TMEM223: variants seen among roughly 807,000 people sequenced by gnomAD.
The protein encoded by TMEM223 is transmembrane protein 223.
In TMEM223, 14 loss-of-function variants were observed where a neutral mutation model predicts 14.1. The ratio of observed to expected loss-of-function variants is 0.99; its 90% CI spans 0.66 to 1.55. The LOEUF is 1.55. Ranked by LOEUF, TMEM223 falls within the 40% of genes most tolerant of loss-of-function variation. The probability of loss-of-function intolerance (pLI) is 0.00; values close to 1 mark genes in which losing one functional copy is unlikely to be tolerated. For missense variants in TMEM223, 346 were observed against 269.9 expected (o/e 1.28, Z -1.97); for synonymous variants, 145 against 120.5 (o/e 1.20, Z -1.33).
downstream of TMEM223, chr11:62,789,309 G>A (rs770697657): frequency 1.9e-5 from 31 of 1,613,850 alleles, no homozygotes; most frequent in Admixed American, 8.3e-5. Context: ...ATAGGGCTGC[G>A]CATTGCACTG....
At chr11:62,778,008 C>G in intron 1 of TMEM223, 2 of 1,614,216 alleles carry the variant, frequency 1.2e-6, no homozygotes, top group South Asian at 2.2e-5. Flanking sequence ...ACAGGAGGCA[C>G]TGCCCATGCG....
At chr11:62,774,413 T>C (rs1007927833) in intron 2 of TMEM223, among the ~76,000 whole-genome samples, 3 of 152,010 alleles carry the variant, frequency 2.0e-5, no homozygotes, top group African/African-American at 7.2e-5. Flanking sequence ...TGGGGAGCCA[T>C]TGGGAGGAGT....
At chr11:62,773,415 G>C (rs1477691604) in intron 2 of TMEM223, among the ~76,000 whole-genome samples, 1 of 151,538 alleles carries the variant, frequency 6.6e-6, no homozygotes, top group Non-Finnish European at 1.5e-5. Flanking sequence ...CAAAGTGCTG[G>C]GATTACAGAT....
At chr11:62,773,448 A>ATT (rs112592058) in intron 2 of TMEM223, among the ~76,000 whole-genome samples, 19 of 135,822 alleles carry the variant, frequency 1.4e-4, no homozygotes, top group Admixed American at 1.5e-4. Flanking sequence ...CCGGCCTACA[A>ATT]TTTTTTTTTT....
At chr11:62,771,959 G>C (rs1460925258) in exon 3 of TMEM223, 11 of 367,618 alleles carry the variant, frequency 3.0e-5, no homozygotes, top group Non-Finnish European at 5.9e-5. Flanking sequence ...CATGTCTTTG[G>C]GGTGGGATCC....
intron 2 of TMEM223, among the ~76,000 whole-genome samples, chr11:62,774,266 T>G (rs1040114297): frequency 1.3e-5 from 2 of 151,986 alleles, no homozygotes; most frequent in Admixed American, 1.3e-4. Flanking sequence ...TTAGTAGAGA[T>G]GGGGTTTCAC....
Position 62,790,751 on chromosome 11 carries a change from C to T in TMEM223, c.481G>A (p.Gly161Ser). ...LKQVSCMAHR[G>S]EVPAMLPLKV... ...AGAGGTAGCATGGCAGGGACTTCACCCCGGTGGGCCATGCAAGATACCTGC... is the reference window on the plus strand; with the variant it reads ...AGAGGTAGCATGGCAGGGACTTCACTCCGGTGGGCCATGCAAGATACCTGC... Residue 161 changes from glycine (G) to serine (S), a missense_variant, in exon 2 of 2, where the codon GGT becomes AGT. By Grantham distance (56) the Gly-to-Ser change is moderately conservative. Transcript: ENST00000307366. 2 of 1,610,376 alleles carry T rather than the reference C, an allele frequency of 1.2e-6. No individual in the cohort carries two copies. Among genetic ancestry groups the T allele is most frequent in the South Asian group, 1.1e-5 (1 of 90,412 alleles).
chr11:62,785,808 TACAGGCGTGAGCC>T (rs1257382425), downstream of TMEM223, among the ~76,000 whole-genome samples: 3 of 152,238 alleles, frequency 2.0e-5, no homozygotes, highest in Admixed American at 6.5e-5. Flanking sequence ...GTGCTGGGAT[TACAGGCGTGAGCC>T]ACAGCGCCTG....
intron 1 of TMEM223, chr11:62,776,030 T>A: frequency 7.1e-7 from 1 of 1,399,170 alleles, no homozygotes. Flanking sequence ...ACTGGGTGCC[T>A]GCTCCATACA....
chr11:62,789,950 A>C, downstream of TMEM223: 2 of 1,614,038 alleles, frequency 1.2e-6, no homozygotes, highest in Non-Finnish European at 1.7e-6. Flanking sequence ...GTGCAGTGGA[A>C]GTCTGAAGCC....
intron 1 of TMEM223, among the ~76,000 whole-genome samples, chr11:62,777,283 C>T (rs1380663555): frequency 6.6e-6 from 1 of 151,988 alleles, no homozygotes; most frequent in Admixed American, 6.6e-5. Context: ...GCCGAGATCA[C>T]GCCACTGCAT....
chr11:62,775,062 C>CAA (rs35218634), intron 1 of TMEM223, among the ~76,000 whole-genome samples: 81 of 62,778 alleles, frequency 1.3e-3, no homozygotes, highest in African/African-American at 2.9e-3. Context: ...GACTCTGTCT[C>CAA]AAAAAAAAAA....
chr11:62,787,624 G>A (rs1050639867), downstream of TMEM223: 23 of 1,398,280 alleles, frequency 1.6e-5, no homozygotes, highest in South Asian at 1.2e-4. Context: ...CTGCTGCTCG[G>A]AGCCGGTGGA....
chr11:62,771,963 G>A (rs1187246353), exon 3 of TMEM223: 1 of 368,322 alleles, frequency 2.7e-6, no homozygotes, highest in African/African-American at 2.1e-5. Flanking sequence ...TCTTTGGGGT[G>A]GGATCCAGGC....
chr11:62,784,306 ATT>A (rs1030701221), downstream of TMEM223, among the ~76,000 whole-genome samples: 137 of 118,750 alleles, frequency 1.2e-3, 3 homozygotes, highest in Middle Eastern at 6.1e-3. Flanking sequence ...TATATTCTTA[ATT>A]TTTTTTTTTT....
chr11:62,779,872 G>T (rs1165641465), intron 1 of TMEM223, among the ~76,000 whole-genome samples: 1 of 143,276 alleles, frequency 7.0e-6, no homozygotes, highest in Non-Finnish European at 1.5e-5. Flanking sequence ...CACCGTGTTG[G>T]CCAGGCTGGT....
chr11:62,771,832 T>C, exon 3 of TMEM223: 1 of 294,636 alleles, frequency 3.4e-6, no homozygotes, highest in Non-Finnish European at 6.8e-6. Flanking sequence ...ATAGGGAAAC[T>C]CCCTCCGTGC....
downstream of TMEM223, chr11:62,789,352 G>C (rs747042757): frequency 3.1e-6 from 5 of 1,613,924 alleles, no homozygotes; most frequent in Non-Finnish European, 4.2e-6. Context: ...TCCTGGTCTT[G>C]GTGTCTGCCT....
chr11:62,789,151 C>T (rs943169631), downstream of TMEM223: 1 of 1,614,088 alleles, frequency 6.2e-7, no homozygotes, highest in African/African-American at 1.3e-5. Context: ...TCTTGGCCCT[C>T]TACTGCCTCC....
Sources: allele counts gnomAD v4.1 joint callset (sites outside exome capture counted in the v4.1 genomes callset), GRCh38; gene constraint gnomAD v4.1.1; transcripts MANE v1.5; gene names NCBI Gene and HGNC (gene_info 2026-07-23, HGNC 2026-07-21).